Variants in ADAM23 observed in about 807,000 individuals in gnomAD.
ADAM23 encodes the protein ADAM metallopeptidase domain 23, also known as disintegrin and metalloproteinase domain-containing protein 23.
ADAM23 carries 33 observed loss-of-function variants against 120.1 expected under a neutral mutation model. The observed-to-expected ratio is 0.27, with a 90% CI of 0.21 to 0.37. ADAM23 has a LOEUF of 0.37. ADAM23 is among the 10% of genes least tolerant of loss of function. ADAM23 has a pLI of 1.00. For missense variants in ADAM23, 862 were observed against 1,058.2 expected, an observed-to-expected ratio of 0.81 and a Z score of 2.57; for synonymous variants, 367 against 375.2, an observed-to-expected ratio of 0.98 and a Z score of 0.25.
At chr2:206,596,027 A>G (rs369828404) in intron 23 of ADAM23, 24 bp from the exon 24 acceptor site, 9 of 1,566,532 alleles carry the variant, frequency 5.7e-6, no homozygotes, top group African/African-American at 4.1e-5. Context: ...TGAAAATGCC[A>G]TATCTGTTCC....
In ADAM23 at chr2:206,595,963, C is replaced by T. The variant is rs960448622; in HGVS notation, c.2248-88C>T. 6.6e-5 allele frequency: 67 copies of T among 1,013,782 alleles called. 1 individual carries two copies. Among genetic ancestry groups the T allele is most frequent in the South Asian group, 6.0e-4 (38 of 63,234 alleles). 62.8% of individuals were successfully genotyped at this position (1,013,782 alleles called of 1,614,324 possible). On this transcript the variant is annotated intron_variant, in intron 23 of 25. Transcript: ENST00000264377. Reference sequence around the variant, plus strand: ...AATTCCAAATAGCTTTTAAAGCTTCCTCCCTGCCCCCGTGTCTCTTTTACA... The same window carrying T: ...AATTCCAAATAGCTTTTAAAGCTTCTTCCCTGCCCCCGTGTCTCTTTTACA...
At chr2:206,531,081 G>T (rs1697052087) in intron 4 of ADAM23, 133 bp downstream of exon 4, 2 of 630,472 alleles carry the variant, frequency 3.2e-6, no homozygotes, top group African/African-American at 1.9e-5. Context: ...ACTATTTTTA[G>T]TGAGGAGAAA....
At chr2:206,470,662 T>G (rs2105868344) in intron 2 of ADAM23, among the ~76,000 whole-genome samples, 1 of 152,288 alleles carries the variant, frequency 6.6e-6, no homozygotes, top group South Asian at 2.1e-4. Context: ...GGCACCTGCA[T>G]TTTTGTAAAA....
intron 18 of ADAM23, among the ~76,000 whole-genome samples, chr2:206,581,412 A>T (rs2105840131): frequency 6.6e-6 from 1 of 152,110 alleles, no homozygotes; most frequent in East Asian, 1.9e-4. Flanking sequence ...AGAGGTTTTG[A>T]TAGGTTGTGG....
At chr2:206,615,083 T>C (rs144169815) in intron 25 of ADAM23, among the ~76,000 whole-genome samples, 2 of 152,272 alleles carry the variant, frequency 1.3e-5, no homozygotes, top group East Asian at 3.9e-4. Flanking sequence ...TAACCATGGA[T>C]AAATATATGC....
chr2:206,560,941 A>G (rs1377067852), intron 11 of ADAM23, among the ~76,000 whole-genome samples, 187 bp from the exon 12 acceptor site: 3 of 152,194 alleles, frequency 2.0e-5, no homozygotes. Context: ...GCTCAATTGA[A>G]ATTACGTAAC....
chr2:206,460,523 A>T (rs1452767102), intron 2 of ADAM23, among the ~76,000 whole-genome samples: 2 of 151,852 alleles, frequency 1.3e-5, no homozygotes, highest in Non-Finnish European at 2.9e-5. Context: ...CCATTTTTAC[A>T]TTTTATTTGG....
At chr2:206,548,466 G>C (rs531562501) in intron 8 of ADAM23, 112 bp downstream of exon 8, 2 of 998,750 alleles carry the variant, frequency 2.0e-6, no homozygotes, top group Admixed American at 5.0e-5. Context: ...GGGGACTGTT[G>C]TTTAAAAATG....
intron 5 of ADAM23, 133 bp downstream of exon 5, chr2:206,542,267 G>T (rs1007227788): frequency 3.7e-6 from 3 of 815,468 alleles, no homozygotes; most frequent in Non-Finnish European, 6.2e-6. Flanking sequence ...CACAAGGAGG[G>T]CAATGTCCCT....
intron 4 of ADAM23, among the ~76,000 whole-genome samples, chr2:206,532,591 A>T (rs1054937283): frequency 6.6e-6 from 1 of 152,184 alleles, no homozygotes; most frequent in Non-Finnish European, 1.5e-5. Context: ...ATGAACTAAC[A>T]GTCTGTTTTT....
At chr2:206,519,413 G>A (rs2300966) in intron 3 of ADAM23, among the ~76,000 whole-genome samples, 118,083 of 152,118 alleles carry the variant, frequency 0.78, 46,076 homozygotes, top group African/African-American at 0.83. Flanking sequence ...ATTTAGGTAA[G>A]CAAAGCACAA....
intron 3 of ADAM23, among the ~76,000 whole-genome samples, chr2:206,481,826 C>T (rs1182145610): frequency 6.6e-6 from 1 of 152,144 alleles, no homozygotes; most frequent in Admixed American, 6.5e-5. Context: ...TGTCTCTGAG[C>T]ATGTGTTTGT....
intron 3 of ADAM23, among the ~76,000 whole-genome samples, chr2:206,495,620 A>G (rs1696228606): frequency 6.6e-6 from 1 of 152,236 alleles, no homozygotes; most frequent in African/African-American, 2.4e-5. Context: ...AGCTAACATC[A>G]TAATGACAGG....
At chr2:206,615,679 C>A (rs933821101) in intron 25 of ADAM23, among the ~76,000 whole-genome samples, 1 of 152,200 alleles carries the variant, frequency 6.6e-6, no homozygotes, top group Non-Finnish European at 1.5e-5. Context: ...CAGAAAGATA[C>A]AGTTCTGCAG....
At chr2:206,615,093 C>A (rs545108212) in intron 25 of ADAM23, among the ~76,000 whole-genome samples, 4 of 152,188 alleles carry the variant, frequency 2.6e-5, no homozygotes, top group Admixed American at 6.5e-5. Flanking sequence ...TAAATATATG[C>A]CCTTGAAAGA....
At chr2:206,588,659 C>G (rs934789827) in intron 20 of ADAM23, among the ~76,000 whole-genome samples, 1 of 152,258 alleles carries the variant, frequency 6.6e-6, no homozygotes, top group African/African-American at 2.4e-5. Context: ...TAGTACATTC[C>G]GTAAAAGTTC....
chr2:206,596,578 A>C (rs952628155), intron 24 of ADAM23, among the ~76,000 whole-genome samples: 4 of 152,224 alleles, frequency 2.6e-5, no homozygotes, highest in African/African-American at 4.8e-5. Context: ...TTGTCACCTT[A>C]CAAGCTCTTT....
rs1202783080 is a variant in ADAM23 at position 206,617,711 on chromosome 2, G to A, written c.*84G>A. On this transcript the variant is annotated 3_prime_UTR_variant, in exon 26 of 26. Transcript: ENST00000264377. The stretch of plus-strand genomic sequence containing the variant: ...GCAGCAGTGTTACTGGAACTATTAA[G>A]TTTGTAAACAAAACCTTTGGGTGGT... 1 of 1,576,762 alleles carries A rather than the reference G, an allele frequency of 6.3e-7. No homozygotes were observed. Among genetic ancestry groups the A allele is most frequent in the African/African-American group, 1.4e-5 (1 of 73,920 alleles).
intron 21 of ADAM23, 79 bp from the exon 22 acceptor site, chr2:206,592,538 C>A (rs1698444053): frequency 2.7e-6 from 4 of 1,495,766 alleles, no homozygotes. Context: ...AAATTTGAAT[C>A]AATGTGGACC....
Sources: allele counts gnomAD v4.1 joint callset (sites outside exome capture counted in the v4.1 genomes callset), GRCh38; gene constraint gnomAD v4.1.1; transcripts MANE v1.5; gene names NCBI Gene and HGNC (gene_info 2026-07-23, HGNC 2026-07-21).